The following DPYSL2 variants were observed in gnomAD, a reference collection of about 807,000 sequenced individuals.
The protein encoded by DPYSL2 is dihydropyrimidinase-related protein 2.
A neutral mutation model predicts 69.9 loss-of-function variants in DPYSL2; 13 were observed. The observed-to-expected ratio is 0.19, with a 90% CI of 0.12 to 0.30. The LOEUF (loss-of-function observed/expected upper bound fraction) is 0.30, where lower values mean the gene tolerates loss of function less well. Among genes scored for constraint, DPYSL2 ranks in the 10% least tolerant of loss-of-function variants. The pLI is 1.00. For synonymous variants in DPYSL2, 326 were observed against 359.1 expected (o/e 0.91, Z 1.04); for missense variants, 587 against 918.9 (o/e 0.64, Z 4.67).
At position 26,578,601 on chromosome 8, in the gene DPYSL2, G is replaced by A. The variant is rs566736283; in HGVS notation, c.355-3368G>A. 6.8e-4 allele frequency: 859 copies of A among 1,259,736 alleles called. 1 individual carries two copies. Among genetic ancestry groups the A allele is most frequent in the Non-Finnish European group, 8.1e-4 (806 of 999,222 alleles). 78.0% of individuals were successfully genotyped at this position (1,259,736 alleles called of 1,614,324 possible). A position where few individuals can be genotyped will look rare whatever the true frequency, so the allele number is the denominator to read the frequency against. ...ATGCTGCAGCGTCGGCCCGCGGGGT[G>A]CAAGCAAATGGATGCCAGATTGAAT... is the stretch of plus-strand genomic sequence containing the variant. On this transcript the variant is annotated intron_variant, in intron 1 of 13. Coordinates refer to ENST00000521913, the MANE Select transcript of DPYSL2 (RefSeq NM_001197293.3).
At position 26,650,860 on chromosome 8, in the gene DPYSL2, G is replaced by A. The variant is rs1405096257; in HGVS notation, c.1597-1397G>A. Among the ~76,000 whole-genome samples, 1 of 152,202 alleles carries A rather than the reference G, an allele frequency of 6.6e-6. No individual in the cohort carries two copies. The highest frequency in any genetic ancestry group is 1.5e-5 in the Non-Finnish European group (1 of 68,038). ...CAGCCTTGTGGTCTGAATGCATGCC[G>A]CCTGTGTGGTCCAGAACAATGTCAA... is the stretch of plus-strand genomic sequence containing the variant. On this transcript the variant is annotated intron_variant, in intron 11 of 13. Coordinates refer to ENST00000521913, the MANE Select transcript of DPYSL2 (RefSeq NM_001197293.3). This position sits in a 1 kb window ranked among gnomAD's most constrained non-coding sequence, Gnocchi z 5.3.
chr8:26,595,286 A>T (rs1801834219), intron 3 of DPYSL2, among the ~76,000 whole-genome samples: 1 of 152,082 alleles, frequency 6.6e-6, no homozygotes, highest in African/African-American at 2.4e-5. Flanking sequence ...TATGCAAGAA[A>T]ATAAAAATTT....
chr8:26,552,828 A>C (rs1431910064), intron 1 of DPYSL2, among the ~76,000 whole-genome samples: 1 of 152,178 alleles, frequency 6.6e-6, no homozygotes, highest in Non-Finnish European at 1.5e-5. Context: ...CAAAGATTCT[A>C]CCTCTCAACA....
At chr8:26,544,446 C>T (rs1306986519) in intron 1 of DPYSL2, among the ~76,000 whole-genome samples, 4 of 152,220 alleles carry the variant, frequency 2.6e-5, no homozygotes, top group Admixed American at 1.3e-4. Flanking sequence ...TTCTTTATTA[C>T]CACTACGTTT....
rs1407366295 is a variant in DPYSL2 at position 26,643,588 on chromosome 8, C to T, written c.1276C>T (p.Leu426=). ...PTTPDFLNSL[L]SCGDLQVTGS... ...CACTCCAGACTTTCTCAACTCCTTG[C>T]TGTCCTGGTGAGTCCTGGCGACTTG... Residue 426 remains leucine, a synonymous_variant, in exon 9 of 14, where the codon CTG becomes TTG. Transcript: ENST00000521913. This position sits in a 1 kb window ranked among gnomAD's most constrained non-coding sequence, Gnocchi z 6.5. 6.2e-7 allele frequency: 1 copy of T among 1,614,234 alleles called. No individual in the cohort carries two copies. Among genetic ancestry groups the T allele is most frequent in the Non-Finnish European group, 8.5e-7 (1 of 1,180,038 alleles).
At chr8:26,549,808 A>G (rs73563546) in intron 1 of DPYSL2, among the ~76,000 whole-genome samples, 2,539 of 152,330 alleles carry the variant, frequency 0.017, 65 homozygotes, top group African/African-American at 0.056. Context: ...AGAATTTTGT[A>G]TCCAGCAAGA....
At chr8:26,600,993 T>A (rs1187206917) in intron 3 of DPYSL2, among the ~76,000 whole-genome samples, 4 of 152,216 alleles carry the variant, frequency 2.6e-5, no homozygotes, top group African/African-American at 9.6e-5. Flanking sequence ...GTCACCCTTC[T>A]GACAGCACAC....
chr8:26,568,709 AAAC>A (rs1801191058), intron 1 of DPYSL2, among the ~76,000 whole-genome samples: 4 of 94,396 alleles, frequency 4.2e-5, no homozygotes, highest in African/African-American at 2.5e-4. Flanking sequence ...TAAGAGATGA[AAAC>A]TCCTGAAATG....
At chr8:26,622,476 ATG>A (rs372106979) in intron 3 of DPYSL2, among the ~76,000 whole-genome samples, 18 of 127,576 alleles carry the variant, frequency 1.4e-4, no homozygotes, top group South Asian at 1.1e-3. Flanking sequence ...GTGTGTGTAT[ATG>A]TGTGTGTGTG....
chr8:26,519,098 T>C (rs1351821400), intron 1 of DPYSL2, among the ~76,000 whole-genome samples: 1 of 152,224 alleles, frequency 6.6e-6, no homozygotes, highest in Admixed American at 6.5e-5. Context: ...TGCAATGTTA[T>C]GTGGTTCACA....
rs1803089375 is a variant in DPYSL2, at chr8:26,643,104, G to A, written c.1127-335G>A. On this transcript the variant is annotated intron_variant, in intron 8 of 13. Coordinates refer to ENST00000521913, the MANE Select transcript of DPYSL2 (RefSeq NM_001197293.3). The surrounding 1 kb of genome is among the most constrained non-coding windows in gnomAD (Gnocchi z 6.5). ...AACAGTCCAGATGGCACCTGGGACC[G>A]GATGCCTGGACACCATCCGAGCAGG... is the stretch of plus-strand genomic sequence containing the variant. The A allele has an allele frequency of 2.0e-5, 5 of 244,954 alleles. No individual in the cohort carries two copies. The highest frequency in any genetic ancestry group is 9.0e-5 in the South Asian group (1 of 11,108). The allele number at this position is 244,954 out of a possible 1,614,324, so 15.2% of individuals were successfully genotyped here.
chr8:26,544,422 A>G (rs376142800), intron 1 of DPYSL2, among the ~76,000 whole-genome samples: 1 of 152,238 alleles, frequency 6.6e-6, no homozygotes, highest in Admixed American at 6.5e-5. Context: ...ACAAAAGGAT[A>G]TTTACAAAGT....
At chr8:26,632,469 C>T (rs1278936726) in intron 7 of DPYSL2, among the ~76,000 whole-genome samples, 2 of 152,156 alleles carry the variant, frequency 1.3e-5, no homozygotes, top group Admixed American at 1.3e-4. Flanking sequence ...TTCCAGCAGG[C>T]CTTGTAGAAT....
rs889396815 is a variant in DPYSL2 at position 26,610,272 on chromosome 8, G to A, written c.629-13871G>A. On this transcript the variant is annotated intron_variant, in intron 3 of 13. Transcript: ENST00000521913. This position sits in a 1 kb window ranked among gnomAD's most constrained non-coding sequence, Gnocchi z 4.5. ...ACTTGCATTTGATTTTTGATAGAAT[G>A]AGAGATGAATTGATTTGTTCCTGAT... Among the ~76,000 whole-genome samples, 5 of 152,192 alleles carry A rather than the reference G, an allele frequency of 3.3e-5. No homozygotes were observed. The highest frequency in any genetic ancestry group is 1.2e-4 in the African/African-American group (5 of 41,450).
rs932744759 is a variant in DPYSL2, at chr8:26,582,535, C to T, written c.443+478C>T. ...ATTACTAAGTAATACAGACAAATTA[C>T]TGCCTAAATCCTGAGGGAATTTTAG... On this transcript the variant is annotated intron_variant, in intron 2 of 13. Coordinates refer to ENST00000521913, the MANE Select transcript of DPYSL2 (RefSeq NM_001197293.3). This position sits in a 1 kb window ranked among gnomAD's most constrained non-coding sequence, Gnocchi z 4.1. 2.6e-5 allele frequency among the ~76,000 whole-genome samples: 4 copies of T among 152,222 alleles called. No individual in the cohort carries two copies. Among genetic ancestry groups the T allele is most frequent in the Admixed American group, 1.3e-4 (2 of 15,280 alleles).
chr8:26,537,043 T>C (rs1800603276), intron 1 of DPYSL2, among the ~76,000 whole-genome samples: 1 of 70 alleles, frequency 0.014, no homozygotes, highest in South Asian at 0.25. Flanking sequence ...TAATACGGAT[T>C]TTTTTTTTTA....
chr8:26,653,191 G>A lies in DPYSL2; in HGVS notation c.1777-41G>A. ...GAGGGTTTCTAGAGAGGTATCCTCT[G>A]TGGCTGTGGCCTGAGCTGGGGGGAC... On this transcript the variant is annotated intron_variant, in intron 12 of 13. Coordinates refer to ENST00000521913, the MANE Select transcript of DPYSL2 (RefSeq NM_001197293.3). This position sits in a 1 kb window ranked among gnomAD's most constrained non-coding sequence, Gnocchi z 5.7. 1.2e-6 allele frequency: 2 copies of A among 1,601,756 alleles called. No individual in the cohort carries two copies. Among genetic ancestry groups the A allele is most frequent in the South Asian group, 1.1e-5 (1 of 89,028 alleles).
intron 10 of DPYSL2, among the ~76,000 whole-genome samples, chr8:26,646,313 A>AT (rs1422432360): frequency 9.9e-5 from 15 of 151,942 alleles, no homozygotes; most frequent in African/African-American, 3.6e-4. Context: ...GGATGCATAT[A>AT]TTTTTAACAT....
At chr8:26,622,271 C>T (rs546491104) in intron 3 of DPYSL2, among the ~76,000 whole-genome samples, 7 of 151,778 alleles carry the variant, frequency 4.6e-5, no homozygotes, top group African/African-American at 1.5e-4. Flanking sequence ...TCTACATCAG[C>T]ATTTTACTGA....
Sources: allele counts gnomAD v4.1 joint callset (sites outside exome capture counted in the v4.1 genomes callset), GRCh38; gene constraint gnomAD v4.1.1; non-coding constraint Gnocchi (gnomAD v3.1); transcripts MANE v1.5; gene names NCBI Gene and HGNC (gene_info 2026-07-23, HGNC 2026-07-21).